The following PHRF1 variants were observed in gnomAD, a reference collection of about 807,000 sequenced individuals.
PHRF1 encodes the protein PHD and RING finger domain-containing protein 1.
PHRF1 carries 53 observed loss-of-function variants against 128.9 expected under a neutral mutation model. The observed-to-expected ratio is 0.41, with a 90% CI of 0.33 to 0.52. PHRF1 has a LOEUF of 0.52. Among genes scored for constraint, PHRF1 ranks in the 20% least tolerant of loss-of-function variants. The pLI is 0.21. For missense variants in PHRF1, 2,503 were observed against 2,284.5 expected (o/e 1.10, Z -1.95); for synonymous variants, 1,178 against 980.6 (o/e 1.20, Z -3.76).
chr11:581,597 G>A lies in PHRF1; in HGVS notation c.85G>A (p.Gly29Ser), dbSNP rs749479153. 31 of 1,612,454 alleles carry A rather than the reference G, an allele frequency of 1.9e-5. No individual in the cohort carries two copies. In the South Asian group the frequency reaches 3.3e-4, roughly 17 times the overall value. Residue 29 changes from glycine to serine, a missense_variant, in exon 2 of 18, where the codon GGT (glycine) becomes AGT (serine). Gly to Ser is a moderately conservative substitution (Grantham distance 56, BLOSUM62 0). Coordinates refer to ENST00000264555, the MANE Select transcript of PHRF1 (RefSeq NM_001286581.2). ...HPQVGPADPA[G>S]DFEESSVGSS... Reference sequence around the variant, plus strand: ...ACAGGTCGGCCCTGCGGACCCGGCAGGTGACTTTGGTGAGCTGCCTAGCGC... The same window carrying A: ...ACAGGTCGGCCCTGCGGACCCGGCAAGTGACTTTGGTGAGCTGCCTAGCGC...
chr11:606,935 T>A, intron 13 of PHRF1, 131 bp from the exon 14 acceptor site: 1 of 1,402,946 alleles, frequency 7.1e-7, no homozygotes, highest in Non-Finnish European at 9.5e-7. Context: ...AGGCGAGGTG[T>A]CCACCTCAAC....
chr11:607,024 A>AGT, intron 13 of PHRF1, 42 bp from the exon 14 acceptor site: 1 of 1,526,294 alleles, frequency 6.6e-7, no homozygotes, highest in Non-Finnish European at 8.8e-7. Context: ...ATTTAAGAAG[A>AGT]GTGGGTGGGA....
intron 17 of PHRF1, among the ~76,000 whole-genome samples, chr11:611,298 C>T (rs1350337902): frequency 6.6e-6 from 1 of 152,162 alleles, no homozygotes; most frequent in Non-Finnish European, 1.5e-5. Flanking sequence ...AGGAGGGTGC[C>T]TCAGTGCACC....
chr11:602,734 T>C (rs1443757827), intron 10 of PHRF1, among the ~76,000 whole-genome samples: 1 of 152,006 alleles, frequency 6.6e-6, no homozygotes, highest in East Asian at 1.9e-4. Context: ...TTCAAGTGTT[T>C]GCTGAATCTT....
chr11:610,205 T>A lies in PHRF1; in HGVS notation c.4274T>A (p.Leu1425His). ...PAEDRAPRAP[L>H]HRPQKPREGA... ...TCTGTCGGGCCCCCAGGGGCACCAC[T>A]TCACAGGCCACAGAAGCCCCGAGAA... is the stretch of plus-strand genomic sequence containing the variant. The change falls in exon 15 of 18, where the codon CTT becomes CAT. Residue 1425 changes from leucine (L) to histidine (H), a missense_variant. Leu to His is a moderately conservative substitution (Grantham distance 99). Transcript: ENST00000264555. 1 of 1,527,040 alleles carries A rather than the reference T, an allele frequency of 6.5e-7. No homozygotes were observed. The highest frequency in any genetic ancestry group is 1.4e-5 in the African/African-American group (1 of 72,596). 94.6% of individuals were successfully genotyped at this position (1,527,040 alleles called of 1,614,324 possible). A position where few individuals can be genotyped will look rare whatever the true frequency, so the allele number is the denominator to read the frequency against.
chr11:586,173 T>C (rs772582075), intron 3 of PHRF1, among the ~76,000 whole-genome samples: 10 of 151,900 alleles, frequency 6.6e-5, no homozygotes, highest in Non-Finnish European at 1.5e-4. Context: ...TTTTTGTACT[T>C]TTAGTAGAGA....
intron 4 of PHRF1, among the ~76,000 whole-genome samples, chr11:590,173 G>A (rs559450616): frequency 6.6e-6 from 1 of 152,368 alleles, no homozygotes; most frequent in South Asian, 2.1e-4. Context: ...CACCATGGGG[G>A]GTGCTGCCGC....
chr11:581,941 G>A (rs754554497), intron 2 of PHRF1, 21 bp from the exon 3 acceptor site: 4 of 1,572,930 alleles, frequency 2.5e-6, no homozygotes, highest in Non-Finnish European at 3.4e-6. Flanking sequence ...CCTGCGGCCT[G>A]TGTCTCACCC....
rs761022417 is a variant in PHRF1 at position 597,068 on chromosome 11, T to C, written c.718+48T>C. 2 of 1,574,882 alleles carry C rather than the reference T, an allele frequency of 1.3e-6. No homozygotes were observed. Among genetic ancestry groups the C allele is most frequent in the South Asian group, 2.3e-5 (2 of 88,382 alleles). On this transcript the variant is annotated intron_variant, in intron 7 of 17. Transcript: ENST00000264555. The surrounding 1 kb of genome is among the most constrained non-coding windows in gnomAD (Gnocchi z 6.5). ...AAGGCGCACATGGGCCTTCTCACTGTCCACTCTGCGGTCCCCGGGGTTAGG... is the reference window on the plus strand; with the variant it reads ...AAGGCGCACATGGGCCTTCTCACTGCCCACTCTGCGGTCCCCGGGGTTAGG...
At chr11:580,834 G>A (rs879714315) in intron 1 of PHRF1, among the ~76,000 whole-genome samples, 3 of 152,124 alleles carry the variant, frequency 2.0e-5, no homozygotes, top group Admixed American at 6.5e-5. Context: ...GATTACAGGC[G>A]CCCGCCACCA....
intron 16 of PHRF1, 68 bp from the exon 17 acceptor site, chr11:610,886 C>T: frequency 6.3e-7 from 1 of 1,594,084 alleles, no homozygotes; most frequent in Non-Finnish European, 8.6e-7. Context: ...TGTCCAGAAC[C>T]ACAGTGCCTC....
At chr11:581,719 A>G (rs1854214603) in intron 2 of PHRF1, 113 bp downstream of exon 2, 2 of 1,140,998 alleles carry the variant, frequency 1.8e-6, no homozygotes, top group South Asian at 1.6e-5. Context: ...TAAAAAAATT[A>G]TGCTTTGATT....
intron 9 of PHRF1, among the ~76,000 whole-genome samples, chr11:599,799 G>C (rs1589886582): frequency 6.6e-6 from 1 of 151,546 alleles, no homozygotes; most frequent in Non-Finnish European, 1.5e-5. Flanking sequence ...GCGTCTGTGG[G>C]TCTGGTGCAG....
Position 597,078 on chromosome 11 carries a change from G to A in PHRF1, c.718+58G>A, listed in dbSNP as rs752113033. Reference sequence around the variant, plus strand: ...TGGGCCTTCTCACTGTCCACTCTGCGGTCCCCGGGGTTAGGTTTGGCTGCT... The same window carrying A: ...TGGGCCTTCTCACTGTCCACTCTGCAGTCCCCGGGGTTAGGTTTGGCTGCT... On this transcript the variant is annotated intron_variant, in intron 7 of 17. Transcript: ENST00000264555. This position sits in a 1 kb window ranked among gnomAD's most constrained non-coding sequence, Gnocchi z 6.5. 324 of 1,536,968 alleles carry A rather than the reference G, an allele frequency of 2.1e-4. No homozygotes were observed. Among genetic ancestry groups the A allele is most frequent in the Non-Finnish European group, 2.6e-4 (294 of 1,123,956 alleles).
rs1361683340 is a variant in PHRF1, at chr11:612,004, A to G, written c.*227A>G. On this transcript the variant is annotated 3_prime_UTR_variant, in exon 18 of 18. Transcript: ENST00000264555. ...TTGAAAACTGGACACTTTTGTATGT[A>G]TATTATAGAGACACTGTTTCCATTC... is the stretch of plus-strand genomic sequence containing the variant. 3 of 611,500 alleles carry G rather than the reference A, an allele frequency of 4.9e-6. No individual in the cohort carries two copies. The highest frequency in any genetic ancestry group is 2.9e-5 in the East Asian group (1 of 34,940). The allele number at this position is 611,500 out of a possible 1,614,324, so 37.9% of individuals were successfully genotyped here.
intron 9 of PHRF1, among the ~76,000 whole-genome samples, chr11:600,309 G>A (rs1299955809): frequency 6.7e-6 from 1 of 149,710 alleles, no homozygotes; most frequent in East Asian, 2.0e-4. Context: ...GTGCAATGGC[G>A]CAATCTCAGC....
Position 611,955 on chromosome 11 carries a change from T to C in PHRF1, c.*178T>C. On this transcript the variant is annotated 3_prime_UTR_variant, in exon 18 of 18. Transcript: ENST00000264555. ...GTCGGGTTCCTGCGCTGACACCTGG[T>C]CTGTGCACCTGTGTTGCTCACAGTT... 1.0e-6 allele frequency: 1 copy of C among 957,024 alleles called. No homozygotes were observed. The highest frequency in any genetic ancestry group is 2.6e-5 in the East Asian group (1 of 38,000). 59.3% of individuals were successfully genotyped at this position (957,024 alleles called of 1,614,324 possible).
At chr11:592,905 A>G (rs1363854799) in intron 6 of PHRF1, among the ~76,000 whole-genome samples, 1 of 152,242 alleles carries the variant, frequency 6.6e-6, no homozygotes, top group Non-Finnish European at 1.5e-5. Flanking sequence ...TGCAGGTAAT[A>G]CATCAAGACA....
chr11:580,541 C>T (rs2134168447), intron 1 of PHRF1, among the ~76,000 whole-genome samples: 2 of 152,330 alleles, frequency 1.3e-5, no homozygotes, highest in South Asian at 4.1e-4. Context: ...TCAGAGGAGC[C>T]TCCAGGCATC....
Sources: gnomAD v4.1 joint callset for allele counts (sites outside exome capture counted in the v4.1 genomes callset) on GRCh38, gnomAD v4.1.1 for gene constraint, Gnocchi (gnomAD v3.1) non-coding constraint, MANE v1.5 for transcripts, NCBI Gene and HGNC (gene_info 2026-07-23, HGNC 2026-07-21) for gene names.